ZMIZ1: variants seen among roughly 807,000 people sequenced by gnomAD.
ZMIZ1 encodes the protein zinc finger MIZ domain-containing protein 1.
In ZMIZ1, 17 loss-of-function variants were observed where a neutral mutation model predicts 113.9. The ratio of observed to expected loss-of-function variants is 0.15; its 90% CI spans 0.10 to 0.22. ZMIZ1 has a LOEUF of 0.22. ZMIZ1 is among the 10% of genes least tolerant of loss of function. ZMIZ1 has a pLI of 1.00. For missense variants in ZMIZ1, 1,059 were observed against 1,477.8 expected, an observed-to-expected ratio of 0.72 and a Z score of 4.65; for synonymous variants, 607 against 603.1, an observed-to-expected ratio of 1.01 and a Z score of -0.09.
At chr10:79,275,856 T>C (rs1468521426) in intron 7 of ZMIZ1, among the ~76,000 whole-genome samples, 1 of 151,998 alleles carries the variant, frequency 6.6e-6, no homozygotes, top group Non-Finnish European at 1.5e-5. Context: ...AGAATGAGGA[T>C]AATAATAGCT....
intron 7 of ZMIZ1, among the ~76,000 whole-genome samples, chr10:79,262,518 T>C (rs901298303): frequency 6.6e-6 from 1 of 152,228 alleles, no homozygotes; most frequent in Non-Finnish European, 1.5e-5. Flanking sequence ...AATGGCATTC[T>C]TATAAACCAT....
chr10:79,223,493 G>C (rs1174237107), intron 7 of ZMIZ1, among the ~76,000 whole-genome samples: 1 of 152,184 alleles, frequency 6.6e-6, no homozygotes, highest in Non-Finnish European at 1.5e-5. Context: ...CACCGCCCCG[G>C]TCAGGTGCCC....
intron 1 of ZMIZ1, among the ~76,000 whole-genome samples, chr10:79,117,363 A>G (rs1052381293): frequency 3.9e-5 from 6 of 152,202 alleles, no homozygotes; most frequent in Non-Finnish European, 7.4e-5. Context: ...CTTGACCTTT[A>G]TATAAATGGA....
intron 1 of ZMIZ1, among the ~76,000 whole-genome samples, chr10:79,094,660 G>C (rs139405973): frequency 6.6e-6 from 1 of 152,148 alleles, no homozygotes; most frequent in African/African-American, 2.4e-5. Flanking sequence ...AAAGCAATGG[G>C]GCTAGGCCAG....
intron 1 of ZMIZ1, among the ~76,000 whole-genome samples, chr10:79,107,324 G>C (rs1343884454): frequency 2.0e-5 from 3 of 152,216 alleles, no homozygotes; most frequent in African/African-American, 7.2e-5. Context: ...AACTACTTCT[G>C]GCCGTGTGAC....
rs546883156 is a variant in ZMIZ1 at position 79,215,670 on chromosome 10, A to G, written c.175-499A>G. On this transcript the variant is annotated intron_variant, in intron 6 of 24. Transcript: ENST00000334512. Reference sequence around the variant, plus strand: ...GCTGGGCCTAAGAGTCTGCATTTGTAACAGGCCCCCCTGTGGTGCTGATAG... The same window carrying G: ...GCTGGGCCTAAGAGTCTGCATTTGTGACAGGCCCCCCTGTGGTGCTGATAG... Among the ~76,000 whole-genome samples the G allele has an allele frequency of 1.2e-3, 180 of 152,218 alleles. 2 individuals carry two copies. The highest frequency in any genetic ancestry group is 4.2e-3 in the African/African-American group (173 of 41,524).
At chr10:79,106,952 C>T (rs16936856) in intron 1 of ZMIZ1, among the ~76,000 whole-genome samples, 44,501 of 152,172 alleles carry the variant, frequency 0.29, 6,682 homozygotes, top group African/African-American at 0.36. Flanking sequence ...ATTTGGGCTC[C>T]GCTTTGGAAG....
chr10:79,310,871 G>A (rs1272468521), intron 23 of ZMIZ1, 53 bp from the exon 24 acceptor site: 13 of 1,562,910 alleles, frequency 8.3e-6, no homozygotes, highest in Admixed American at 5.4e-5. Flanking sequence ...AGGCATCATC[G>A]CCGTGCCTCC....
intron 23 of ZMIZ1, among the ~76,000 whole-genome samples, chr10:79,308,703 A>C (rs1224042004): frequency 1.3e-5 from 2 of 152,046 alleles, no homozygotes; most frequent in Non-Finnish European, 2.9e-5. Flanking sequence ...TCTCTGCCCC[A>C]TGGGGCTTGT....
intron 1 of ZMIZ1, among the ~76,000 whole-genome samples, chr10:79,092,737 T>C (rs1178492653): frequency 2.0e-5 from 3 of 152,188 alleles, no homozygotes; most frequent in Non-Finnish European, 2.9e-5. Context: ...AGATCCCTGA[T>C]ATCTCCCAGC....
chr10:79,249,932 T>C (rs1850445797), intron 7 of ZMIZ1, among the ~76,000 whole-genome samples: 1 of 152,198 alleles, frequency 6.6e-6, no homozygotes, highest in South Asian at 2.1e-4. Context: ...CATCTGTCAT[T>C]TACCAGGTGA....
intron 2 of ZMIZ1, among the ~76,000 whole-genome samples, chr10:79,138,517 T>A (rs1473394927): frequency 6.6e-6 from 1 of 152,166 alleles, no homozygotes; most frequent in Non-Finnish European, 1.5e-5. Context: ...CCAGCCTAGT[T>A]CAAGTGTGGG....
chr10:79,174,526 G>A (rs538718350), intron 4 of ZMIZ1, among the ~76,000 whole-genome samples: 3 of 152,192 alleles, frequency 2.0e-5, no homozygotes, highest in Admixed American at 6.5e-5. Context: ...TAGAAACCTA[G>A]CATGTCAGAG....
At chr10:79,240,220 T>G (rs1749850) in intron 7 of ZMIZ1, among the ~76,000 whole-genome samples, 1 of 152,108 alleles carries the variant, frequency 6.6e-6, no homozygotes, top group African/African-American at 2.4e-5. Context: ...GTCATTCCCC[T>G]GGGGCTATGC....
At chr10:79,176,717 G>C (rs1846885210) in intron 4 of ZMIZ1, among the ~76,000 whole-genome samples, 1 of 152,168 alleles carries the variant, frequency 6.6e-6, no homozygotes, top group Admixed American at 6.5e-5. Context: ...GTGCAGTGGA[G>C]GTGAGCTGCC....
intron 7 of ZMIZ1, among the ~76,000 whole-genome samples, chr10:79,266,792 C>T (rs1564565560): frequency 1.3e-5 from 2 of 152,184 alleles, no homozygotes; most frequent in East Asian, 1.9e-4. Flanking sequence ...CCAGCAGTGA[C>T]GGGTCTACAG....
intron 8 of ZMIZ1, among the ~76,000 whole-genome samples, chr10:79,281,186 A>T (rs1852719117): frequency 6.6e-6 from 1 of 151,094 alleles, no homozygotes; most frequent in African/African-American, 2.5e-5. Flanking sequence ...CTAAGGCATG[A>T]GGTTGTTCGG....
intron 4 of ZMIZ1, among the ~76,000 whole-genome samples, chr10:79,165,633 G>GT (rs1846295384): frequency 6.6e-6 from 1 of 152,148 alleles, no homozygotes; most frequent in South Asian, 2.1e-4. Flanking sequence ...GGCCTGGGGG[G>GT]CCCTGACCAC....
rs186814623 is a variant in ZMIZ1 at position 79,184,409 on chromosome 10, C to T, written c.-49-17175C>T. Among the ~76,000 whole-genome samples the T allele has an allele frequency of 1.7e-4, 26 of 152,336 alleles. 1 individual carries two copies. Among genetic ancestry groups the T allele is most frequent in the Non-Finnish European group, 1.0e-4 (7 of 68,032 alleles). ...TTACTGCGTGGCCTTGGGCAGGTCA[C>T]TTAACCCCTCAATTCCCTCTATTGA... On this transcript the variant is annotated intron_variant, in intron 4 of 24. Transcript: ENST00000334512.
Sources: allele counts gnomAD v4.1 joint callset (sites outside exome capture counted in the v4.1 genomes callset), GRCh38; gene constraint gnomAD v4.1.1; transcripts MANE v1.5; gene names NCBI Gene and HGNC (gene_info 2026-07-23, HGNC 2026-07-21).